Variants in MDM4 observed in about 807,000 individuals in gnomAD.
The protein encoded by MDM4 is protein Mdm4.
Under a neutral mutation model 60.2 loss-of-function variants are expected in MDM4, and 2 were observed. That is an observed-to-expected ratio of 0.03 (90% CI 0.01 to 0.10). MDM4 has a LOEUF of 0.10. Ranked by LOEUF, MDM4 falls within the 10% of genes least tolerant of loss-of-function variation. The pLI, the probability that MDM4 is intolerant of heterozygous loss-of-function variation, is 1.00. For synonymous variants in MDM4, 202 were observed against 198.1 expected, an observed-to-expected ratio of 1.02 and a Z score of -0.17; for missense variants, 447 against 577.5, an observed-to-expected ratio of 0.77 and a Z score of 2.32.
At chr1:204,530,928 A>G in intron 4 of MDM4, 111 bp downstream of exon 4, 2 of 1,394,192 alleles carry the variant, frequency 1.4e-6, no homozygotes, top group Non-Finnish European at 2.0e-6. Flanking sequence ...AAGAGCCTAC[A>G]TATGTTAGGT....
chr1:204,535,953 A>G (rs1661364075), intron 5 of MDM4, among the ~76,000 whole-genome samples: 1 of 152,098 alleles, frequency 6.6e-6, no homozygotes, highest in African/African-American at 2.4e-5. Context: ...TGACAGTAAT[A>G]GGATTGCTTT....
chr1:204,532,547 CATT>C (rs1440830363), intron 5 of MDM4: 9 of 560,918 alleles, frequency 1.6e-5, no homozygotes, highest in Non-Finnish European at 2.5e-5. Flanking sequence ...CATTCAATAT[CATT>C]ATTACACATA....
intron 10 of MDM4, among the ~76,000 whole-genome samples, chr1:204,548,655 C>T (rs778737607): frequency 6.6e-6 from 1 of 152,218 alleles, no homozygotes; most frequent in Non-Finnish European, 1.5e-5. Flanking sequence ...TAAATTTAGT[C>T]GTTTTCAAAT....
intron 3 of MDM4, 140 bp downstream of exon 3, chr1:204,526,574 C>T: frequency 1.7e-6 from 1 of 603,230 alleles, no homozygotes; most frequent in Admixed American, 3.0e-5. Context: ...CGCCATTCTC[C>T]TGCCTCAGCC....
Position 204,537,359 on chromosome 1 carries a change from G to A in MDM4, c.344-71G>A. ...AAACCTGGCTCCCGGGTTGTTTGCT[G>A]AGGTCCTTTTTGTGTGGAAAGAATG... On this transcript the variant is annotated intron_variant, in intron 5 of 10. Coordinates refer to ENST00000367182, the MANE Select transcript of MDM4 (RefSeq NM_002393.5). The A allele has an allele frequency of 2.2e-5, 26 of 1,205,418 alleles. No individual in the cohort carries two copies. The South Asian group carries it at 3.1e-4, about 14-fold the overall frequency. The allele number at this position is 1,205,418 out of a possible 1,614,324, so 74.7% of individuals were successfully genotyped here.
In MDM4 at chr1:204,540,721, C is replaced by A. The variant is rs563957615; in HGVS notation, c.512-2063C>A. Among the ~76,000 whole-genome samples the A allele has an allele frequency of 2.0e-5, 3 of 152,266 alleles. No homozygotes were observed. In the South Asian group the frequency reaches 6.2e-4, roughly 32 times the overall value. On this transcript the variant is annotated intron_variant, in intron 7 of 10. Transcript: ENST00000367182. ...GAGGTTGCAGTGAGCCGAGATCGCGCCATTGCCCTCCAGCCTGGGGGACAA... is the reference window on the plus strand; with the variant it reads ...GAGGTTGCAGTGAGCCGAGATCGCGACATTGCCCTCCAGCCTGGGGGACAA...
chr1:204,517,468 A>G (rs1572436758), intron 1 of MDM4, among the ~76,000 whole-genome samples: 1 of 151,522 alleles, frequency 6.6e-6, no homozygotes, highest in Non-Finnish European at 1.5e-5. Flanking sequence ...CAGTGGCGCG[A>G]TCTTGGCTCA....
At chr1:204,548,080 A>G (rs1182729284) in intron 10 of MDM4, among the ~76,000 whole-genome samples, 1 of 152,208 alleles carries the variant, frequency 6.6e-6, no homozygotes, top group Non-Finnish European at 1.5e-5. Flanking sequence ...CTATTAAGCA[A>G]ATGGACTGTA....
At chr1:204,529,569 G>T in intron 3 of MDM4, 1 of 1,455,276 alleles carries the variant, frequency 6.9e-7, no homozygotes, top group Non-Finnish European at 9.3e-7. Flanking sequence ...GCCACCACCA[G>T]GGGGTAGCAC....
chr1:204,530,858 T>C (rs1660785848), intron 4 of MDM4, 41 bp downstream of exon 4: 1 of 1,612,692 alleles, frequency 6.2e-7, no homozygotes, highest in Non-Finnish European at 8.5e-7. Flanking sequence ...TGGGTGCTTA[T>C]ACCTAGCCAC....
At chr1:204,523,241 A>G (rs1241947636) in intron 1 of MDM4, among the ~76,000 whole-genome samples, 1 of 147,894 alleles carries the variant, frequency 6.8e-6, no homozygotes, top group African/African-American at 2.5e-5. Context: ...AGGCTGAGGC[A>G]GGCGGATCAC....
At chr1:204,520,551 G>A (rs550006786) in intron 1 of MDM4, among the ~76,000 whole-genome samples, 2 of 152,180 alleles carry the variant, frequency 1.3e-5, no homozygotes, top group South Asian at 4.1e-4. Context: ...TTAAATATAG[G>A]TTATGATCAG....
rs1300401186 is a variant in MDM4, at chr1:204,537,488, C to A, written c.402C>A (p.Asp134Glu). 1 of 1,612,520 alleles carries A rather than the reference C, an allele frequency of 6.2e-7. No individual in the cohort carries two copies. The highest frequency in any genetic ancestry group is 8.5e-7 in the Non-Finnish European group (1 of 1,178,546). Residue 134 changes from aspartate (D) to glutamate (E), a missense_variant, in exon 6 of 11, where the codon GAC becomes GAA. Asp to Glu is a conservative substitution (Grantham distance 45). This residue lies in a region of MDM4 where 12 missense variants were observed against 28.6 expected (regional missense o/e 0.42). Coordinates refer to ENST00000367182, the MANE Select transcript of MDM4 (RefSeq NM_002393.5). ...QDHSMDIPSQ[D>E]QLKQSAEESS... ...ACAGTATGGATATTCCAAGTCAAGA[C>A]CAACTGAAGGTAAAATCACCACACG...
chr1:204,530,838 C>A (rs576149026), intron 4 of MDM4, 21 bp downstream of exon 4: 1 of 1,613,970 alleles, frequency 6.2e-7, no homozygotes, highest in Admixed American at 1.7e-5. Context: ...TGAGGGCTTG[C>A]GTATCTTTTT....
At chr1:204,537,048 T>A in intron 5 of MDM4, 1 of 210,442 alleles carries the variant, frequency 4.8e-6, no homozygotes, top group South Asian at 4.9e-5. Flanking sequence ...CATACACTCT[T>A]TTCCTTTTGT....
intron 3 of MDM4, among the ~76,000 whole-genome samples, chr1:204,526,736 T>C (rs1205358444): frequency 3.3e-5 from 5 of 152,250 alleles, no homozygotes; most frequent in African/African-American, 1.2e-4. Context: ...GTGCTGGGAT[T>C]ACAGGCATGA....
At position 204,554,454 on chromosome 1, in the gene MDM4, A is replaced by G; in HGVS notation, c.*4772A>G. ...TGCTACCTTTGCTAAAAATGGCCAT[A>G]GATTAGGAACTAGCTATGTTTTTAG... On this transcript the variant is annotated 3_prime_UTR_variant, in exon 11 of 11. Transcript: ENST00000367182. 4.4e-6 allele frequency: 1 copy of G among 225,962 alleles called. No individual in the cohort carries two copies. Among genetic ancestry groups the G allele is most frequent in the Non-Finnish European group, 8.8e-6 (1 of 113,530 alleles). The allele number at this position is 225,962 out of a possible 1,614,324, so 14.0% of individuals were successfully genotyped here. A position where few individuals can be genotyped will look rare whatever the true frequency, so the allele number is the denominator to read the frequency against.
Position 204,538,243 on chromosome 1 carries a change from G to C in MDM4, c.446G>C (p.Arg149Thr), listed in dbSNP as rs1267526562. 6.2e-7 allele frequency: 1 copy of C among 1,611,386 alleles called. No individual in the cohort carries two copies. The highest frequency in any genetic ancestry group is 1.7e-5 in the Admixed American group (1 of 59,996). Residue 149 changes from arginine (R) to threonine (T), a missense_variant, in exon 7 of 11, where the codon AGA becomes ACA. Arg to Thr is a moderately conservative substitution (Grantham distance 71). Transcript: ENST00000367182. ...SAEESSTSRK[R>T]TTEDDIPTLP... ...GAGGAAAGTTCCACTTCCAGAAAAAGAACTACAGAAGACGATATCCCCACA... is the reference window on the plus strand; with the variant it reads ...GAGGAAAGTTCCACTTCCAGAAAAACAACTACAGAAGACGATATCCCCACA...
intron 6 of MDM4, 40 bp downstream of exon 6, chr1:204,537,537 T>A (rs756302956): frequency 7.0e-7 from 1 of 1,422,370 alleles, no homozygotes; most frequent in South Asian, 1.1e-5. Context: ...TTGTACAGAG[T>A]GGCCCCTTCT....
Sources: gnomAD v4.1 joint callset for allele counts (sites outside exome capture counted in the v4.1 genomes callset) on GRCh38, gnomAD v4.1.1 for gene constraint, gnomAD v4.1.1 regional missense constraint, MANE v1.5 for transcripts, NCBI Gene and HGNC (gene_info 2026-07-23, HGNC 2026-07-21) for gene names.